Variants in SPTBN1 observed in about 807,000 individuals in gnomAD.
SPTBN1 encodes the protein spectrin beta, non-erythrocytic 1, also known as spectrin beta chain, non-erythrocytic 1.
A neutral mutation model predicts 266.4 loss-of-function variants in SPTBN1; 32 were observed. The observed-to-expected ratio is 0.12, with a 90% CI of 0.09 to 0.16. The LOEUF (loss-of-function observed/expected upper bound fraction) is 0.16, where lower values mean the gene tolerates loss of function less well. Ranked by LOEUF, SPTBN1 falls within the 10% of genes least tolerant of loss-of-function variation. SPTBN1 has a pLI of 1.00. For missense variants in SPTBN1, 2,296 were observed against 3,067.1 expected, an observed-to-expected ratio of 0.75 and a Z score of 5.94; for synonymous variants, 1,336 against 1,162.2, an observed-to-expected ratio of 1.15 and a Z score of -3.04.
chr2:54,555,899 C>A (rs1400578623), intron 2 of SPTBN1, among the ~76,000 whole-genome samples: 1 of 152,202 alleles, frequency 6.6e-6, no homozygotes, highest in East Asian at 1.9e-4. Context: ...ACCTACCTTT[C>A]TCCAAAAGGC....
At chr2:54,640,608 G>A (rs867117819) in intron 18 of SPTBN1, among the ~76,000 whole-genome samples, 1 of 150,970 alleles carries the variant, frequency 6.6e-6, no homozygotes, top group African/African-American at 2.4e-5. Flanking sequence ...CTGGAATACA[G>A]TGGTGGGATC....
intron 1 of SPTBN1, among the ~76,000 whole-genome samples, chr2:54,462,168 G>T (rs866777920): frequency 6.6e-6 from 1 of 152,182 alleles, no homozygotes; most frequent in Non-Finnish European, 1.5e-5. Context: ...GCAGTGTACA[G>T]TTCCAGGCAC....
At chr2:54,651,392 A>G (rs1680277547) in intron 26 of SPTBN1, among the ~76,000 whole-genome samples, 1 of 152,240 alleles carries the variant, frequency 6.6e-6, no homozygotes, top group Admixed American at 6.5e-5. Flanking sequence ...ATAGCAGTGA[A>G]AAGGATGTGT....
chr2:54,661,161 G>C, intron 32 of SPTBN1: 2 of 985,408 alleles, frequency 2.0e-6, no homozygotes, highest in African/African-American at 3.5e-5. Flanking sequence ...GGAATTCTCT[G>C]ATAAAGGAAG....
At chr2:54,631,797 A>C (rs1678751959) in intron 16 of SPTBN1, among the ~76,000 whole-genome samples, 186 bp downstream of exon 16, 2 of 152,230 alleles carry the variant, frequency 1.3e-5, no homozygotes, top group African/African-American at 4.8e-5. Context: ...GGGGACAGGA[A>C]TTGAAAGTTG....
chr2:54,664,214 A>C lies in SPTBN1; in HGVS notation c.6421-239A>C, dbSNP rs763436414. 6.0e-6 allele frequency: 3 copies of C among 496,004 alleles called. No individual in the cohort carries two copies. Among genetic ancestry groups the C allele is most frequent in the Non-Finnish European group, 1.1e-5 (3 of 278,208 alleles). The allele number at this position is 496,004 out of a possible 1,614,324, so 30.7% of individuals were successfully genotyped here. A position where few individuals can be genotyped will look rare whatever the true frequency, so the allele number is the denominator to read the frequency against. ...ATTGATCAGAGGAATAGAGTGCAGT[A>C]AAACTCATACTGGCATTTCGCTTTT... On this transcript the variant is annotated intron_variant, in intron 32 of 35. Coordinates refer to ENST00000356805, the MANE Select transcript of SPTBN1 (RefSeq NM_003128.3). This position sits in a 1 kb window ranked among gnomAD's most constrained non-coding sequence, Gnocchi z 5.6.
rs138933390 is a variant in SPTBN1, at chr2:54,493,847, G to C, written c.-47-32525G>C. 5.6e-3 allele frequency among the ~76,000 whole-genome samples: 846 copies of C among 152,310 alleles called. 8 individuals carry two copies. The highest frequency in any genetic ancestry group is 0.019 in the African/African-American group (798 of 41,558). ...ATAGCCTCTTAAACTGGAGACCCCT[G>C]ATACCTTACATTCAAATGTGAGTGA... On this transcript the variant is annotated intron_variant, in intron 1 of 35. Coordinates refer to ENST00000356805, the MANE Select transcript of SPTBN1 (RefSeq NM_003128.3).
At chr2:54,597,236 T>C (rs1039558487) in intron 2 of SPTBN1, among the ~76,000 whole-genome samples, 3 of 152,366 alleles carry the variant, frequency 2.0e-5, no homozygotes, top group Admixed American at 6.5e-5. Context: ...ACCTTACATA[T>C]TCTGCTCTAG....
intron 29 of SPTBN1, among the ~76,000 whole-genome samples, chr2:54,656,668 T>C (rs1326139389): frequency 1.3e-5 from 2 of 152,194 alleles, no homozygotes; most frequent in African/African-American, 4.8e-5. Context: ...ATGTTCTAAC[T>C]CCATCTATGC....
Position 54,618,064 on chromosome 2 carries a change from G to A in SPTBN1, c.648-14G>A, listed in dbSNP as rs370638509. On this transcript the variant is annotated splice_polypyrimidine_tract_variant and intron_variant, in intron 6 of 35. Coordinates refer to ENST00000356805, the MANE Select transcript of SPTBN1 (RefSeq NM_003128.3). ...GCCATGATTTTTGTTGTGTCCCACT[G>A]TTGTTCTGCACAGGCCTGACCTGAT... 1 of 1,602,094 alleles carries A rather than the reference G, an allele frequency of 6.2e-7. No individual in the cohort carries two copies. Among genetic ancestry groups the A allele is most frequent in the African/African-American group, 1.3e-5 (1 of 74,542 alleles).
At chr2:54,611,190 CAT>C (rs1677187369) in intron 3 of SPTBN1, among the ~76,000 whole-genome samples, 1 of 152,170 alleles carries the variant, frequency 6.6e-6, no homozygotes, top group African/African-American at 2.4e-5. Flanking sequence ...GCATTCATGA[CAT>C]ACCTTTTTCT....
At chr2:54,542,957 A>G (rs1672021855) in intron 2 of SPTBN1, among the ~76,000 whole-genome samples, 2 of 152,044 alleles carry the variant, frequency 1.3e-5, no homozygotes, top group Non-Finnish European at 2.9e-5. Flanking sequence ...TTCTTAGCTC[A>G]TATTTGTCTG....
At chr2:54,615,259 G>C (rs1440878219) in intron 4 of SPTBN1, among the ~76,000 whole-genome samples, 1 of 152,034 alleles carries the variant, frequency 6.6e-6, no homozygotes, top group African/African-American at 2.4e-5. Context: ...AGAATTCTGG[G>C]AAGTGTTTGT....
chr2:54,470,590 T>G (rs1209142887), intron 1 of SPTBN1, among the ~76,000 whole-genome samples: 2 of 152,244 alleles, frequency 1.3e-5, no homozygotes, highest in African/African-American at 4.8e-5. Flanking sequence ...AAACATTCCA[T>G]TTTGTTTCTG....
chr2:54,659,027 A>G (rs1260846752), intron 30 of SPTBN1, 127 bp from the exon 31 acceptor site: 5 of 885,408 alleles, frequency 5.6e-6, no homozygotes, highest in African/African-American at 1.7e-5. Flanking sequence ...TCAGGATGTT[A>G]GAGCTTCTTG....
chr2:54,583,324 C>G lies in SPTBN1; in HGVS notation c.149-15768C>G, dbSNP rs557972212. On this transcript the variant is annotated intron_variant, in intron 2 of 35. Coordinates refer to ENST00000356805, the MANE Select transcript of SPTBN1 (RefSeq NM_003128.3). ...CTGTAAACTCTTTCTGCTTCTGCGT[C>G]TATCCTTATTTCCTACTGCTTAGTA... is the stretch of plus-strand genomic sequence containing the variant. Among the ~76,000 whole-genome samples, 50 of 152,278 alleles carry G rather than the reference C, an allele frequency of 3.3e-4. 1 individual carries two copies. Among genetic ancestry groups the G allele is most frequent in the Admixed American group, 2.9e-3 (44 of 15,304 alleles).
At chr2:54,499,473 G>C (rs1669139509) in intron 1 of SPTBN1, among the ~76,000 whole-genome samples, 1 of 152,192 alleles carries the variant, frequency 6.6e-6, no homozygotes, top group African/African-American at 2.4e-5. Context: ...GGAGGAAGGT[G>C]ACTGGTTGTT....
At chr2:54,600,580 G>C (rs995642266) in intron 3 of SPTBN1, among the ~76,000 whole-genome samples, 9 of 152,198 alleles carry the variant, frequency 5.9e-5, no homozygotes, top group Non-Finnish European at 1.3e-4. Flanking sequence ...TCCAAAGTGA[G>C]TCTTGTTTGA....
At chr2:54,616,084 A>G (rs1677587429) in intron 4 of SPTBN1, 123 bp from the exon 5 acceptor site, 2 of 711,062 alleles carry the variant, frequency 2.8e-6, no homozygotes, top group Non-Finnish European at 4.4e-6. Context: ...GACAGGGTAG[A>G]TCGTCTGCAG....
Sources: gnomAD v4.1 joint callset for allele counts (sites outside exome capture counted in the v4.1 genomes callset) on GRCh38, gnomAD v4.1.1 for gene constraint, Gnocchi (gnomAD v3.1) non-coding constraint, MANE v1.5 for transcripts, NCBI Gene and HGNC (gene_info 2026-07-23, HGNC 2026-07-21) for gene names.